The following CPED1 variants were observed in gnomAD, a reference collection of about 807,000 sequenced individuals.
CPED1 encodes the protein cadherin like and PC-esterase domain containing 1.
In CPED1, 114 loss-of-function variants were observed where a neutral mutation model predicts 128.2. The ratio of observed to expected loss-of-function variants is 0.89; its 90% confidence interval spans 0.76 to 1.04. CPED1 has a LOEUF of 1.04. Among genes scored for constraint, CPED1 ranks in the 50% least tolerant of loss-of-function variants. The probability of loss-of-function intolerance (pLI) is 0.00; values close to 1 mark genes in which losing one functional copy is unlikely to be tolerated. For missense variants in CPED1, 1,211 were observed against 1,207.1 expected (o/e 1.00, Z -0.05); for synonymous variants, 462 against 426.7 (o/e 1.08, Z -1.02).
At chr7:121,241,193 A>G (rs1798384314) in intron 17 of CPED1, among the ~76,000 whole-genome samples, 1 of 99,240 alleles carries the variant, frequency 1.0e-5, no homozygotes, top group Non-Finnish European at 2.2e-5. Flanking sequence ...AATACAAAAA[A>G]AAAAATTAGC....
At chr7:121,274,693 CCCTTGTA>C (rs982139532) in intron 22 of CPED1, among the ~76,000 whole-genome samples, 4 of 152,024 alleles carry the variant, frequency 2.6e-5, no homozygotes, top group Non-Finnish European at 5.9e-5. Flanking sequence ...CAATTTGTAC[CCCTTGTA>C]CCTCAGCAAG....
At chr7:121,094,773 A>G (rs1016892497) in intron 5 of CPED1, among the ~76,000 whole-genome samples, 57 of 152,166 alleles carry the variant, frequency 3.7e-4, no homozygotes, top group Non-Finnish European at 5.4e-4. Context: ...TTTTCCCCAT[A>G]AGCAGGCGCT....
intron 16 of CPED1, among the ~76,000 whole-genome samples, chr7:121,182,196 A>G (rs1487252442): frequency 2.5e-5 from 2 of 80,916 alleles, no homozygotes; most frequent in East Asian, 8.3e-4. Context: ...CAATTCGATG[A>G]GAGCTTTTTT....
chr7:121,102,745 A>T (rs1206740169), intron 7 of CPED1, among the ~76,000 whole-genome samples: 1 of 152,090 alleles, frequency 6.6e-6, no homozygotes, highest in African/African-American at 2.4e-5. Flanking sequence ...GAGAGTTAGG[A>T]GGAAAACGAA....
At chr7:121,068,494 A>G (rs1161006821) in intron 5 of CPED1, among the ~76,000 whole-genome samples, 1 of 151,984 alleles carries the variant, frequency 6.6e-6, no homozygotes, top group East Asian at 1.9e-4. Context: ...TGGTACCAGT[A>G]CCATGCTGTT....
chr7:121,136,770 G>T (rs916896355), intron 14 of CPED1, among the ~76,000 whole-genome samples: 1 of 152,068 alleles, frequency 6.6e-6, no homozygotes, highest in African/African-American at 2.4e-5. Flanking sequence ...GGGCACAGTG[G>T]CATGCACCTA....
chr7:121,124,962 A>G (rs1326498091), intron 8 of CPED1, among the ~76,000 whole-genome samples: 1 of 152,148 alleles, frequency 6.6e-6, no homozygotes, highest in Non-Finnish European at 1.5e-5. Flanking sequence ...TAAATCTCGT[A>G]CGTCAAAAAG....
chr7:121,266,427 A>G lies in CPED1; in HGVS notation c.2511A>G (p.Ala837=), dbSNP rs772724534. 5.6e-6 allele frequency: 9 copies of G among 1,612,336 alleles called. No individual in the cohort carries two copies. The highest frequency in any genetic ancestry group is 1.3e-5 in the African/African-American group (1 of 74,842). Residue 837 remains alanine (A), a synonymous_variant, in exon 19 of 23, where the codon GCA becomes GCG. Transcript: ENST00000310396. The part of the protein sequence containing the change: ...SPSLRPTFEN[A]LEHLLQRSRP... The stretch of plus-strand genomic sequence containing the variant: ...CATTGAGACCAACATTTGAAAATGC[A>G]CTTGAACACCTCTTGCAAAGGTACA...
chr7:121,120,661 CATAG>C (rs1453728196), intron 7 of CPED1, among the ~76,000 whole-genome samples: 1 of 152,050 alleles, frequency 6.6e-6, no homozygotes, highest in African/African-American at 2.4e-5. Flanking sequence ...CATTCTAACT[CATAG>C]ATTAAATTTT....
chr7:120,995,732 T>C (rs929283816), intron 2 of CPED1, among the ~76,000 whole-genome samples: 1 of 152,182 alleles, frequency 6.6e-6, no homozygotes, highest in Non-Finnish European at 1.5e-5. Flanking sequence ...TTGATATTTC[T>C]TGCTTCTTCC....
At chr7:121,078,237 G>T (rs1794184588) in intron 5 of CPED1, among the ~76,000 whole-genome samples, 2 of 152,108 alleles carry the variant, frequency 1.3e-5, no homozygotes, top group South Asian at 4.2e-4. Flanking sequence ...TAGAGATGGG[G>T]TTTCATCATG....
At chr7:121,253,574 T>C (rs1326824730) in intron 18 of CPED1, among the ~76,000 whole-genome samples, 1 of 152,084 alleles carries the variant, frequency 6.6e-6, no homozygotes, top group Non-Finnish European at 1.5e-5. Context: ...AAATCTCACA[T>C]ATCAATACTA....
intron 16 of CPED1, among the ~76,000 whole-genome samples, chr7:121,169,530 AATG>A (rs1259893212): frequency 6.6e-6 from 1 of 152,200 alleles, no homozygotes; most frequent in African/African-American, 2.4e-5. Flanking sequence ...ATCATCTGAT[AATG>A]ATCAAAATAT....
intron 5 of CPED1, among the ~76,000 whole-genome samples, chr7:121,093,814 A>C (rs1042287842): frequency 2.6e-5 from 4 of 151,892 alleles, no homozygotes; most frequent in Non-Finnish European, 5.9e-5. Flanking sequence ...AAAGCTTCCC[A>C]TTTTGTCGGC....
chr7:121,085,754 C>T lies in CPED1; in HGVS notation c.617-11945C>T, dbSNP rs180855138. Among the ~76,000 whole-genome samples, 404 of 152,170 alleles carry T rather than the reference C, an allele frequency of 2.7e-3. 9 individuals are homozygous for T. Among genetic ancestry groups the T allele is most frequent in the Admixed American group, 0.026 (399 of 15,292 alleles). On this transcript the variant is annotated intron_variant, in intron 5 of 22. Transcript: ENST00000310396. ...CTGCACTATACTGATAAATAATAAC[C>T]GAATAGCATCTTGTCATCTCTCATT... is the stretch of plus-strand genomic sequence containing the variant.
chr7:121,099,926 G>C lies in CPED1; in HGVS notation c.750G>C (p.Leu250=). ...WKPGDWSREQ[L]NETTVLAPHE... is the part of the protein sequence containing the mutation. ...TAACTATGTTTTTTTTTTTTTTTAG[G>C]AATGAAACGACAGTCCTTGCTCCAC... Residue 250 remains leucine (L), a splice_region_variant and synonymous_variant, in exon 7 of 23, where the codon CTG becomes CTC. Coordinates refer to ENST00000310396, the MANE Select transcript of CPED1 (RefSeq NM_024913.5). The C allele has an allele frequency of 6.3e-7, 1 of 1,587,322 alleles. No individual in the cohort carries two copies. The highest frequency in any genetic ancestry group is 8.5e-7 in the Non-Finnish European group (1 of 1,170,226).
rs180953118 is a variant in CPED1 at position 121,136,191 on chromosome 7, G to A, written c.1699+101G>A. 4.4e-4 allele frequency: 492 copies of A among 1,114,480 alleles called. 4 individuals are homozygous for A. The African/African-American group carries it at 6.7e-3, about 15-fold the overall frequency. 69.0% of individuals were successfully genotyped at this position (1,114,480 alleles called of 1,614,324 possible). ...ATTTTATTATATGTGGGTATCTTAC[G>A]CTGATAATTGTTAAAGTAAATTTTA... is the stretch of plus-strand genomic sequence containing the variant. On this transcript the variant is annotated intron_variant, in intron 14 of 22. Transcript: ENST00000310396.
At chr7:121,256,316 A>C (rs1367145373) in intron 18 of CPED1, among the ~76,000 whole-genome samples, 1 of 152,050 alleles carries the variant, frequency 6.6e-6, no homozygotes, top group Admixed American at 6.6e-5. Context: ...AAGGCCAGTG[A>C]AAGCAAGCAA....
chr7:121,124,161 T>G (rs1236624748), intron 7 of CPED1, among the ~76,000 whole-genome samples, 170 bp from the exon 8 acceptor site: 2 of 152,204 alleles, frequency 1.3e-5, no homozygotes, highest in Non-Finnish European at 2.9e-5. Context: ...AACCTTTCTC[T>G]TTCAATATAC....
Sources: gnomAD v4.1 joint callset for allele counts (sites outside exome capture counted in the v4.1 genomes callset) on GRCh38, gnomAD v4.1.1 for gene constraint, MANE v1.5 for transcripts, NCBI Gene and HGNC (gene_info 2026-07-23, HGNC 2026-07-21) for gene names.